Variants in FGD4 observed in about 807,000 individuals in gnomAD.
The protein encoded by FGD4 is FYVE, RhoGEF and PH domain containing 4.
FGD4 carries 42 observed loss-of-function variants against 102.0 expected under a neutral mutation model. That is an observed-to-expected ratio of 0.41 (90% confidence interval 0.32 to 0.53). The LOEUF (loss-of-function observed/expected upper bound fraction) is 0.53. Ranked by LOEUF, FGD4 falls within the 20% of genes least tolerant of loss-of-function variation. The pLI, the probability that FGD4 is intolerant of heterozygous loss-of-function variation, is 0.21. For synonymous variants in FGD4, 380 were observed against 375.7 expected, an observed-to-expected ratio of 1.01 and a Z score of -0.13; for missense variants, 902 against 1,078.2, an observed-to-expected ratio of 0.84 and a Z score of 2.29.
chr12:32,414,690 G>T (rs1240111334), intron 1 of FGD4, among the ~76,000 whole-genome samples: 1 of 152,100 alleles, frequency 6.6e-6, no homozygotes, highest in African/African-American at 2.4e-5. Flanking sequence ...TTGTCTTTCT[G>T]TGACTGACCT....
chr12:32,516,708 C>G (rs755674037), intron 1 of FGD4, among the ~76,000 whole-genome samples: 1 of 152,152 alleles, frequency 6.6e-6, no homozygotes, highest in Non-Finnish European at 1.5e-5. Context: ...ATAAATATCT[C>G]AGGCATGGTG....
intron 4 of FGD4, among the ~76,000 whole-genome samples, chr12:32,591,394 A>G (rs544957060): frequency 6.6e-6 from 1 of 152,362 alleles, no homozygotes; most frequent in African/African-American, 2.4e-5. Context: ...ATGAAATCAC[A>G]TATGAGAACA....
intron 1 of FGD4, among the ~76,000 whole-genome samples, chr12:32,560,635 A>G (rs1442098591): frequency 2.0e-5 from 3 of 152,188 alleles, no homozygotes; most frequent in Non-Finnish European, 2.9e-5. Flanking sequence ...AACAATGCTT[A>G]ATCTCGCTGA....
At chr12:32,596,582 G>GTT (rs140983070) in intron 4 of FGD4, among the ~76,000 whole-genome samples, 118 of 147,410 alleles carry the variant, frequency 8.0e-4, no homozygotes, top group Middle Eastern at 3.5e-3. Flanking sequence ...GCAATGGAAA[G>GTT]TTTTTTTTTT....
rs1427173671 is a variant in FGD4, at chr12:32,576,389, G to C, written c.443G>C (p.Cys148Ser). 1 of 1,613,960 alleles carries C rather than the reference G, an allele frequency of 6.2e-7. No individual in the cohort carries two copies. The highest frequency in any genetic ancestry group is 1.7e-5 in the Admixed American group (1 of 59,990). ...MEEIKPASAS[C>S]VSKEKPSKVS... ...GAAATTAAACCTGCCTCTGCTTCTTGTGTCTCAAAAGAAAAACCCAGTAAG... is the reference window on the plus strand; with the variant it reads ...GAAATTAAACCTGCCTCTGCTTCTTCTGTCTCAAAAGAAAAACCCAGTAAG... Residue 148 changes from cysteine to serine, a missense_variant, in exon 3 of 17, where the codon TGT becomes TCT. Physicochemically the swap from Cys to Ser is moderately radical, Grantham distance 112. Coordinates refer to ENST00000534526, the MANE Select transcript of FGD4 (RefSeq NM_001370298.3).
intron 1 of FGD4, among the ~76,000 whole-genome samples, chr12:32,434,899 T>G (rs781310919): frequency 1.3e-5 from 2 of 152,212 alleles, no homozygotes; most frequent in Non-Finnish European, 2.9e-5. Flanking sequence ...GATACAAATT[T>G]CTTTTCTGAG....
intron 1 of FGD4, among the ~76,000 whole-genome samples, chr12:32,536,083 G>GT (rs577504306): frequency 0.015 from 2,197 of 144,990 alleles, 37 homozygotes; most frequent in African/African-American, 0.041. Context: ...TTTTATAACA[G>GT]TTTTTTTTTT....
intron 14 of FGD4, 49 bp from the exon 15 acceptor site, chr12:32,633,500 A>C (rs1368860960): frequency 2.5e-6 from 4 of 1,569,924 alleles, no homozygotes; most frequent in African/African-American, 1.4e-5. Flanking sequence ...TACTGCTTAA[A>C]TCATATCCTT....
chr12:32,465,529 G>A (rs528111334), intron 1 of FGD4, among the ~76,000 whole-genome samples: 99 of 152,190 alleles, frequency 6.5e-4, no homozygotes, highest in Non-Finnish European at 1.2e-3. Context: ...TTAGCTGGGC[G>A]TGGTGGCGCA....
chr12:32,422,143 CAAA>C (rs1273373298), intron 1 of FGD4, among the ~76,000 whole-genome samples: 1 of 113,328 alleles, frequency 8.8e-6, no homozygotes. Context: ...GACTCTGTCT[CAAA>C]AAAAAAAAAA....
chr12:32,592,147 A>C (rs1412439243), intron 4 of FGD4, among the ~76,000 whole-genome samples: 1 of 151,574 alleles, frequency 6.6e-6, no homozygotes, highest in East Asian at 2.0e-4. Context: ...CAATGGTGTG[A>C]TCTCGGCTCA....
chr12:32,576,135 T>C (rs1272276854), intron 2 of FGD4, 131 bp from the exon 3 acceptor site: 2 of 903,852 alleles, frequency 2.2e-6, no homozygotes, highest in Non-Finnish European at 3.3e-6. Flanking sequence ...ATGGTTTAGT[T>C]CAAAATTTGA....
intron 1 of FGD4, 39 bp downstream of exon 1, chr12:32,399,998 G>T: frequency 8.4e-6 from 12 of 1,425,146 alleles, no homozygotes; most frequent in Non-Finnish European, 1.1e-5. Context: ...TGGCCCCGGC[G>T]CGTAGGTGCG....
chr12:32,477,020 G>T (rs1403582768), intron 1 of FGD4, among the ~76,000 whole-genome samples: 1 of 152,220 alleles, frequency 6.6e-6, no homozygotes, highest in Non-Finnish European at 1.5e-5. Flanking sequence ...CAGGTGCGTG[G>T]CTCATGCCTG....
intron 1 of FGD4, among the ~76,000 whole-genome samples, chr12:32,505,704 G>A (rs1258758847): frequency 3.3e-5 from 5 of 152,110 alleles, no homozygotes; most frequent in African/African-American, 7.2e-5. Context: ...AAAGTTCCAC[G>A]TTTTACAAAT....
At chr12:32,560,321 G>A (rs141632595) in intron 1 of FGD4, among the ~76,000 whole-genome samples, 23 of 152,144 alleles carry the variant, frequency 1.5e-4, no homozygotes, top group Admixed American at 1.0e-3. Flanking sequence ...GTGTGATCAC[G>A]GCTCACTGTG....
At chr12:32,402,708 G>A (rs933248890) in intron 1 of FGD4, among the ~76,000 whole-genome samples, 1 of 151,502 alleles carries the variant, frequency 6.6e-6, no homozygotes, top group African/African-American at 2.4e-5. Context: ...ATTGTAAACC[G>A]GCTGAAACTC....
intron 1 of FGD4, among the ~76,000 whole-genome samples, chr12:32,472,724 G>A (rs974508222): frequency 2.0e-5 from 3 of 152,250 alleles, no homozygotes; most frequent in African/African-American, 4.8e-5. Context: ...GCCCCGGTGC[G>A]GGATCCACTA....
chr12:32,440,498 A>G (rs1439330819), intron 1 of FGD4, among the ~76,000 whole-genome samples: 2 of 152,128 alleles, frequency 1.3e-5, no homozygotes, highest in Non-Finnish European at 2.9e-5. Context: ...TTTCTCCCAA[A>G]CATACAGAGT....
Sources: allele counts gnomAD v4.1 joint callset (sites outside exome capture counted in the v4.1 genomes callset), GRCh38; gene constraint gnomAD v4.1.1; transcripts MANE v1.5; gene names NCBI Gene and HGNC (gene_info 2026-07-23, HGNC 2026-07-21).